The following SYT17 variants were observed in gnomAD, a reference collection of about 807,000 sequenced individuals.
The protein encoded by SYT17 is synaptotagmin-17.
SYT17 carries 22 observed loss-of-function variants against 46.7 expected under a neutral mutation model. The ratio of observed to expected loss-of-function variants is 0.47; its 90% CI spans 0.34 to 0.67. The LOEUF (loss-of-function observed/expected upper bound fraction) is 0.67. Ranked by LOEUF, SYT17 falls within the 30% of genes least tolerant of loss-of-function variation. The pLI, the probability that SYT17 is intolerant of heterozygous loss-of-function variation, is 0.01. For synonymous variants in SYT17, 251 were observed against 248.4 expected (o/e 1.01, Z -0.10); for missense variants, 519 against 612.8 (o/e 0.85, Z 1.62).
chr16:19,254,273 G>A (rs78783180), intron 7 of SYT17, among the ~76,000 whole-genome samples: 2,490 of 152,286 alleles, frequency 0.016, 29 homozygotes, highest in Non-Finnish European at 0.026. Flanking sequence ...TATGATCAGA[G>A]AGTTTTAAAT....
In SYT17 at chr16:19,227,664, A is replaced by G. The variant is rs1400544158; in HGVS notation, c.1228+2826A>G. On this transcript the variant is annotated intron_variant, in intron 7 of 7. Coordinates refer to ENST00000355377, the MANE Select transcript of SYT17 (RefSeq NM_016524.4). Reference sequence around the variant, plus strand: ...CCCCTTTCCAGTTCCTTCTCCCTGAAGTCATGCCTTTAATGTTCTGCTGTG... The same window carrying G: ...CCCCTTTCCAGTTCCTTCTCCCTGAGGTCATGCCTTTAATGTTCTGCTGTG... Among the ~76,000 whole-genome samples, 3 of 152,126 alleles carry G rather than the reference A, an allele frequency of 2.0e-5. No homozygotes were observed. In the East Asian group the frequency reaches 5.8e-4, roughly 29 times the overall value.
At chr16:19,264,988 GGAA>G (rs939629048) in intron 7 of SYT17, among the ~76,000 whole-genome samples, 4 of 152,126 alleles carry the variant, frequency 2.6e-5, no homozygotes, top group South Asian at 2.1e-4. Context: ...GCTTTGGAGA[GGAA>G]GAAGAAGATA....
At chr16:19,242,401 G>C (rs752506350) in intron 7 of SYT17, among the ~76,000 whole-genome samples, 1 of 152,202 alleles carries the variant, frequency 6.6e-6, no homozygotes, top group Non-Finnish European at 1.5e-5. Context: ...AGCTTATTTT[G>C]TTCAAAGAAG....
Position 19,183,033 on chromosome 16 carries a change from T to C in SYT17, c.332-495T>C, listed in dbSNP as rs534589774. Among the ~76,000 whole-genome samples, 2 of 152,266 alleles carry C rather than the reference T, an allele frequency of 1.3e-5. No individual in the cohort carries two copies. Among genetic ancestry groups the C allele is most frequent in the South Asian group, 2.1e-4 (1 of 4,822 alleles). On this transcript the variant is annotated intron_variant, in intron 4 of 7. Transcript: ENST00000355377. The surrounding 1 kb of genome is among the most constrained non-coding windows in gnomAD (Gnocchi z 5.6). ...AATGAGTACACGAGTAGTGAGTAAGTGGCTGAGATGGAATTCCACCCAGGC... is the reference window on the plus strand; with the variant it reads ...AATGAGTACACGAGTAGTGAGTAAGCGGCTGAGATGGAATTCCACCCAGGC...
chr16:19,208,591 CAT>C (rs1214448476), intron 5 of SYT17, among the ~76,000 whole-genome samples: 1 of 152,180 alleles, frequency 6.6e-6, no homozygotes, highest in Non-Finnish European at 1.5e-5. Flanking sequence ...CCTCCCCTGA[CAT>C]GTGGGGATTA....
In SYT17 at chr16:19,220,961, G is replaced by A. The variant is rs1156757291; in HGVS notation, c.952-2084G>A. Among the ~76,000 whole-genome samples, 4 of 151,942 alleles carry A rather than the reference G, an allele frequency of 2.6e-5. No homozygotes were observed. In the East Asian group the frequency reaches 7.8e-4, roughly 29 times the overall value. The stretch of plus-strand genomic sequence containing the variant: ...TATCCCAACAGTTTGGGAGGCTAAG[G>A]CAGGAGGATCACTTGAGGCCAGGAT... On this transcript the variant is annotated intron_variant, in intron 5 of 7. Transcript: ENST00000355377.
intron 7 of SYT17, among the ~76,000 whole-genome samples, chr16:19,232,148 A>AC (rs1346858842): frequency 6.6e-6 from 1 of 152,154 alleles, no homozygotes; most frequent in Non-Finnish European, 1.5e-5. Context: ...AGACCCCCAC[A>AC]CCCTGCTGCC....
At chr16:19,226,292 C>T (rs971969182) in intron 7 of SYT17, among the ~76,000 whole-genome samples, 4 of 152,252 alleles carry the variant, frequency 2.6e-5, no homozygotes, top group Middle Eastern at 3.4e-3. Flanking sequence ...AACTGGGGAT[C>T]GACATCATCC....
intron 5 of SYT17, among the ~76,000 whole-genome samples, chr16:19,189,508 G>A (rs1390112250): frequency 6.6e-6 from 1 of 152,042 alleles, no homozygotes; most frequent in East Asian, 1.9e-4. Flanking sequence ...ACACCAACAT[G>A]CTCAGATAAT....
chr16:19,232,091 C>G (rs186836138), intron 7 of SYT17, among the ~76,000 whole-genome samples: 1 of 152,146 alleles, frequency 6.6e-6, no homozygotes, highest in Non-Finnish European at 1.5e-5. Flanking sequence ...TTGAGGCTGA[C>G]GTCATACTTC....
Position 19,168,909 on chromosome 16 carries a change from G to T in SYT17, c.15+248G>T, listed in dbSNP as rs1192976571. On this transcript the variant is annotated intron_variant, in intron 1 of 7. Transcript: ENST00000355377. The surrounding 1 kb of genome is among the most constrained non-coding windows in gnomAD (Gnocchi z 6.9). ...CTGCAACGCGCGCCCTTGCCTCTTG[G>T]GGAGGGAATGGGGGGTGGGGCGGAC... Among the ~76,000 whole-genome samples the T allele has an allele frequency of 1.3e-5, 2 of 152,110 alleles. No individual in the cohort carries two copies. The highest frequency in any genetic ancestry group is 2.9e-5 in the Non-Finnish European group (2 of 67,998).
intron 5 of SYT17, among the ~76,000 whole-genome samples, chr16:19,198,534 C>G (rs2142721725): frequency 6.6e-6 from 1 of 152,260 alleles, no homozygotes; most frequent in African/African-American, 2.4e-5. Context: ...CATTTCCACC[C>G]AGGGGCTATT....
intron 7 of SYT17, among the ~76,000 whole-genome samples, chr16:19,254,852 G>A (rs892201140): frequency 6.6e-6 from 1 of 152,206 alleles, no homozygotes; most frequent in Admixed American, 6.5e-5. Context: ...GGATCTGAAA[G>A]TGATTCTTCA....
chr16:19,205,097 C>A (rs1965613165), intron 5 of SYT17, among the ~76,000 whole-genome samples: 1 of 152,194 alleles, frequency 6.6e-6, no homozygotes, highest in Non-Finnish European at 1.5e-5. Context: ...CTTTGCATTG[C>A]ATTTCTCAAC....
intron 5 of SYT17, among the ~76,000 whole-genome samples, chr16:19,216,973 T>G (rs544762452): frequency 2.6e-5 from 4 of 152,220 alleles, no homozygotes; most frequent in Non-Finnish European, 5.9e-5. Context: ...TCCACAATGG[T>G]TGAACTAATT....
At position 19,183,954 on chromosome 16, in the gene SYT17, A is replaced by C. The variant is rs908609321; in HGVS notation, c.758A>C (p.Lys253Thr). The C allele has an allele frequency of 1.4e-5, 22 of 1,614,080 alleles. No individual in the cohort carries two copies. Among genetic ancestry groups the C allele is most frequent in the Non-Finnish European group, 1.7e-5 (20 of 1,180,052 alleles). The change falls in exon 5 of 8, where the codon AAG (lysine) becomes ACG (threonine). Residue 253 changes from lysine to threonine, a missense_variant. Physicochemically the swap from Lys to Thr is moderately conservative, Grantham distance 78. Transcript: ENST00000355377. This position sits in a 1 kb window ranked among gnomAD's most constrained non-coding sequence, Gnocchi z 5.6. ...KQTGVKRKTQKPVFEERYTFE... is the reference protein window; with the variant it reads ...KQTGVKRKTQTPVFEERYTFE... ...ACCGGGGTCAAACGCAAGACCCAGA[A>C]GCCCGTGTTTGAGGAGCGCTACACC...
In SYT17 at chr16:19,168,937, T is replaced by C. The variant is rs947737272; in HGVS notation, c.15+276T>C. On this transcript the variant is annotated intron_variant, in intron 1 of 7. Coordinates refer to ENST00000355377, the MANE Select transcript of SYT17 (RefSeq NM_016524.4). The surrounding 1 kb of genome is among the most constrained non-coding windows in gnomAD (Gnocchi z 6.9). The stretch of plus-strand genomic sequence containing the variant: ...AGGGAATGGGGGGTGGGGCGGACTT[T>C]TCTTCTCCCCTGCCCCCTCCCTCTC... Among the ~76,000 whole-genome samples, 1 of 150,456 alleles carries C rather than the reference T, an allele frequency of 6.6e-6. No individual in the cohort carries two copies. The highest frequency in any genetic ancestry group is 2.0e-4 in the East Asian group (1 of 4,942).
intron 7 of SYT17, among the ~76,000 whole-genome samples, chr16:19,231,995 A>G (rs1257448358): frequency 6.6e-6 from 1 of 152,160 alleles, no homozygotes; most frequent in Non-Finnish European, 1.5e-5. Flanking sequence ...GTGAGCTGGG[A>G]GCTGAAGGAC....
At chr16:19,208,471 G>C (rs1965757641) in intron 5 of SYT17, among the ~76,000 whole-genome samples, 1 of 152,146 alleles carries the variant, frequency 6.6e-6, no homozygotes, top group Non-Finnish European at 1.5e-5. Context: ...GAGAGTGAGG[G>C]GGGAAGTGCC....
Sources: gnomAD v4.1 joint callset for allele counts (sites outside exome capture counted in the v4.1 genomes callset) on GRCh38, gnomAD v4.1.1 for gene constraint, Gnocchi (gnomAD v3.1) non-coding constraint, MANE v1.5 for transcripts, NCBI Gene and HGNC (gene_info 2026-07-23, HGNC 2026-07-21) for gene names.